DENND1A: variants seen among roughly 807,000 people sequenced by gnomAD.
DENND1A encodes the protein DENN domain containing 1A.
A neutral mutation model predicts 113.7 loss-of-function variants in DENND1A; 51 were observed. The ratio of observed to expected loss-of-function variants is 0.45; its 90% CI spans 0.36 to 0.57. The LOEUF (loss-of-function observed/expected upper bound fraction) is 0.57. Among genes scored for constraint, DENND1A ranks in the 20% least tolerant of loss-of-function variants. The pLI is 0.00. For missense variants in DENND1A, 1,258 were observed against 1,395.9 expected, an observed-to-expected ratio of 0.90 and a Z score of 1.57; for synonymous variants, 565 against 570.8, an observed-to-expected ratio of 0.99 and a Z score of 0.14.
At chr9:123,589,682 C>T (rs914569253) in intron 11 of DENND1A, among the ~76,000 whole-genome samples, 5 of 146,710 alleles carry the variant, frequency 3.4e-5, no homozygotes, top group Non-Finnish European at 7.4e-5. Flanking sequence ...AACTGACATG[C>T]ACACTGGCTT....
intron 10 of DENND1A, among the ~76,000 whole-genome samples, chr9:123,620,925 C>G (rs1221220977): frequency 6.6e-6 from 1 of 152,138 alleles, no homozygotes; most frequent in African/African-American, 2.4e-5. Flanking sequence ...TTCCTCAGAT[C>G]CAGAACCATC....
intron 20 of DENND1A, 156 bp from the exon 21 acceptor site, chr9:123,403,646 C>A: frequency 1.5e-6 from 1 of 649,112 alleles, no homozygotes; most frequent in South Asian, 1.8e-5. Flanking sequence ...AGAAACATCA[C>A]CATCTAATAG....
chr9:123,673,078 G>A (rs1377873360), intron 6 of DENND1A, among the ~76,000 whole-genome samples: 1 of 152,204 alleles, frequency 6.6e-6, no homozygotes, highest in Non-Finnish European at 1.5e-5. Context: ...CCATTTTGTA[G>A]AATAACTTTC....
At chr9:123,417,839 G>GGGC (rs1203404857) in intron 19 of DENND1A, among the ~76,000 whole-genome samples, 1 of 152,106 alleles carries the variant, frequency 6.6e-6, no homozygotes, top group Non-Finnish European at 1.5e-5. Flanking sequence ...CTCTGGTAGA[G>GGGC]GGCGCTGTCA....
chr9:123,649,165 C>T (rs1258684868), intron 9 of DENND1A, among the ~76,000 whole-genome samples: 1 of 152,116 alleles, frequency 6.6e-6, no homozygotes, highest in Non-Finnish European at 1.5e-5. Context: ...TAATTGTATA[C>T]AATCTATACA....
chr9:123,523,856 T>C (rs2054591205), intron 13 of DENND1A, among the ~76,000 whole-genome samples: 1 of 152,194 alleles, frequency 6.6e-6, no homozygotes, highest in Non-Finnish European at 1.5e-5. Flanking sequence ...TTGATAAGCA[T>C]GAAAACTCTT....
At chr9:123,589,329 C>G (rs1220315059) in intron 11 of DENND1A, among the ~76,000 whole-genome samples, 1 of 151,978 alleles carries the variant, frequency 6.6e-6, no homozygotes, top group East Asian at 1.9e-4. Context: ...GTTTCCACTT[C>G]TTAAAAAGTG....
intron 19 of DENND1A, chr9:123,413,314 A>G: frequency 1.6e-6 from 1 of 637,114 alleles, no homozygotes. Flanking sequence ...TTTTGGATAT[A>G]TTGGGTTCAT....
chr9:123,766,298 C>T (rs751607859), intron 4 of DENND1A, among the ~76,000 whole-genome samples: 1 of 152,152 alleles, frequency 6.6e-6, no homozygotes, highest in African/African-American at 2.4e-5. Context: ...TCCTTTGGGT[C>T]GATCCTGTTT....
At chr9:123,512,759 T>G (rs2134617860) in intron 13 of DENND1A, among the ~76,000 whole-genome samples, 1 of 152,338 alleles carries the variant, frequency 6.6e-6, no homozygotes, top group African/African-American at 2.4e-5. Context: ...AGGGGCAGAT[T>G]TGGAGTCAGC....
In DENND1A at chr9:123,559,599, T is replaced by A. The variant is rs1351301967; in HGVS notation, c.868-1904A>T. On this transcript the variant is annotated intron_variant, in intron 12 of 23. Coordinates refer to ENST00000394215, the MANE Select transcript of DENND1A (RefSeq NM_001352964.2). Reference sequence around the variant, plus strand: ...AAAATCCGACCTGGGAAGGACTAGATCATACTTTAGAAATGATCCACGCAC... The same window carrying A: ...AAAATCCGACCTGGGAAGGACTAGAACATACTTTAGAAATGATCCACGCAC... Among the ~76,000 whole-genome samples, 7 of 152,144 alleles carry A rather than the reference T, an allele frequency of 4.6e-5. No homozygotes were observed. The South Asian group carries it at 1.4e-3, about 31-fold the overall frequency.
intron 5 of DENND1A, among the ~76,000 whole-genome samples, chr9:123,690,023 G>C (rs1232384867): frequency 1.4e-5 from 2 of 143,674 alleles, no homozygotes; most frequent in Non-Finnish European, 3.0e-5. Context: ...GAGGGAAGGA[G>C]GGAGGGAAGA....
chr9:123,706,354 G>GT (rs1184096102), intron 5 of DENND1A, among the ~76,000 whole-genome samples: 1 of 151,756 alleles, frequency 6.6e-6, no homozygotes, highest in East Asian at 2.0e-4. Context: ...GTTTCACTAT[G>GT]TTGGCCAGGC....
intron 2 of DENND1A, among the ~76,000 whole-genome samples, chr9:123,802,805 C>T (rs550109301): frequency 6.6e-5 from 10 of 151,302 alleles, no homozygotes; most frequent in African/African-American, 1.2e-4. Flanking sequence ...CGGGTTCAAG[C>T]GATTCTCCTG....
chr9:123,448,360 G>A (rs1025324911), intron 18 of DENND1A, among the ~76,000 whole-genome samples: 1 of 152,216 alleles, frequency 6.6e-6, no homozygotes, highest in Admixed American at 6.5e-5. Context: ...CCAGAGGCTT[G>A]CACATACAAG....
chr9:123,806,316 C>T (rs1835559746), intron 2 of DENND1A, among the ~76,000 whole-genome samples: 1 of 151,882 alleles, frequency 6.6e-6, no homozygotes, highest in South Asian at 2.1e-4. Context: ...AGTGCAGTGG[C>T]GTGATCTTGG....
At chr9:123,514,098 A>G (rs4836928) in intron 13 of DENND1A, among the ~76,000 whole-genome samples, 16,418 of 61,300 alleles carry the variant, frequency 0.27, 1,010 homozygotes, top group Middle Eastern at 0.32. Flanking sequence ...GTGTGTGTGT[A>G]TGTGTGTGTG....
chr9:123,493,917 G>C (rs1030790517), intron 13 of DENND1A, among the ~76,000 whole-genome samples: 1 of 152,082 alleles, frequency 6.6e-6, no homozygotes, highest in African/African-American at 2.4e-5. Flanking sequence ...CAAACATCTT[G>C]GGAGAAGCTG....
chr9:123,639,733 C>T (rs1446094080), intron 9 of DENND1A, among the ~76,000 whole-genome samples: 4 of 149,618 alleles, frequency 2.7e-5, no homozygotes, highest in Non-Finnish European at 4.4e-5. Flanking sequence ...GCCAAGATCT[C>T]GCCACTGCAC....
Sources: gnomAD v4.1 joint callset for allele counts (sites outside exome capture counted in the v4.1 genomes callset) on GRCh38, gnomAD v4.1.1 for gene constraint, MANE v1.5 for transcripts, NCBI Gene and HGNC (gene_info 2026-07-23, HGNC 2026-07-21) for gene names.